Variants in NAV1 observed in about 807,000 individuals in gnomAD.
NAV1 encodes the protein pore membrane and/or filament interacting like protein 3.
NAV1 carries 18 observed loss-of-function variants against 175.2 expected under a neutral mutation model. The observed-to-expected ratio is 0.10, with a 90% CI of 0.07 to 0.15. The LOEUF (loss-of-function observed/expected upper bound fraction) is 0.15. Among genes scored for constraint, NAV1 ranks in the 10% least tolerant of loss-of-function variants. NAV1 has a pLI of 1.00. For synonymous variants in NAV1, 897 were observed against 978.7 expected (o/e 0.92, Z 1.56); for missense variants, 1,731 against 2,436.6 (o/e 0.71, Z 6.10).
intron 1 of NAV1, among the ~76,000 whole-genome samples, chr1:201,651,891 A>G (rs1669220118): frequency 6.6e-6 from 1 of 152,094 alleles, no homozygotes; most frequent in African/African-American, 2.4e-5. Flanking sequence ...GGCTGTAGCA[A>G]GGCAGAGCCT....
chr1:201,725,771 A>G (rs1672580898), intron 3 of NAV1, among the ~76,000 whole-genome samples: 1 of 152,138 alleles, frequency 6.6e-6, no homozygotes, highest in Non-Finnish European at 1.5e-5. Flanking sequence ...GGCCTGGGCA[A>G]CATAGCAAGA....
At chr1:201,608,350 G>T (rs548737865) in intron 2 of NAV1, among the ~76,000 whole-genome samples, 15 of 152,164 alleles carry the variant, frequency 9.9e-5, no homozygotes, top group Non-Finnish European at 2.1e-4. Flanking sequence ...CACGGCCTGC[G>T]AGTTTCTGAT....
At chr1:201,741,985 C>T (rs1673452086) in intron 3 of NAV1, among the ~76,000 whole-genome samples, 1 of 152,196 alleles carries the variant, frequency 6.6e-6, no homozygotes, top group Admixed American at 6.5e-5. Context: ...TACACCTACC[C>T]AGCCTACTAG....
At chr1:201,674,765 G>C (rs1670178344) in intron 1 of NAV1, among the ~76,000 whole-genome samples, 1 of 152,050 alleles carries the variant, frequency 6.6e-6, no homozygotes, top group Non-Finnish European at 1.5e-5. Flanking sequence ...GGCTGGGCAC[G>C]GTGGCTCACA....
intron 1 of NAV1, among the ~76,000 whole-genome samples, chr1:201,697,792 T>C (rs1180883651): frequency 6.6e-6 from 1 of 152,216 alleles, no homozygotes; most frequent in Non-Finnish European, 1.5e-5. Flanking sequence ...ACCACACCTC[T>C]TCTCCTACGG....
chr1:201,678,333 T>G (rs947144500), intron 1 of NAV1, among the ~76,000 whole-genome samples: 1 of 152,188 alleles, frequency 6.6e-6, no homozygotes, highest in Non-Finnish European at 1.5e-5. Flanking sequence ...AGCGCTCCAA[T>G]GGCTGGTGTG....
In NAV1 at chr1:201,658,582, A is replaced by C. The variant is rs113961996; in HGVS notation, c.757+9157A>C. ...GTGGTGAAAGAGGAGATGAGATCAG[A>C]AAAACAGGTTGGGGTGGGATCATGG... On this transcript the variant is annotated intron_variant, in intron 1 of 29. Coordinates refer to ENST00000367296, the Ensembl canonical transcript of NAV1. Among the ~76,000 whole-genome samples the C allele has an allele frequency of 2.0e-5, 3 of 152,264 alleles. 1 individual carries two copies. The highest frequency in any genetic ancestry group is 7.2e-5 in the African/African-American group (3 of 41,540).
intron 24 of NAV1, among the ~76,000 whole-genome samples, chr1:201,811,178 GA>G (rs1253873402): frequency 6.6e-6 from 1 of 151,956 alleles, no homozygotes; most frequent in Non-Finnish European, 1.5e-5. Flanking sequence ...ATTACTCTCT[GA>G]CCTTGGGCTA....
chr1:201,784,321 C>A (rs759511765), intron 7 of NAV1, among the ~76,000 whole-genome samples: 3 of 152,088 alleles, frequency 2.0e-5, no homozygotes, highest in Non-Finnish European at 4.4e-5. Flanking sequence ...CCATGCACGG[C>A]TAATTTTTGT....
chr1:201,556,536 C>T (rs1258181740), intron 1 of NAV1, among the ~76,000 whole-genome samples: 1 of 152,086 alleles, frequency 6.6e-6, no homozygotes. Flanking sequence ...GCAGGAAGGG[C>T]CTCTTGGGAG....
chr1:201,682,321 G>A (rs530170585), intron 1 of NAV1, among the ~76,000 whole-genome samples: 121 of 151,988 alleles, frequency 8.0e-4, no homozygotes, highest in African/African-American at 2.8e-3. Context: ...TTTTCCCCAT[G>A]GTCCCCCACC....
intron 1 of NAV1, among the ~76,000 whole-genome samples, chr1:201,588,194 G>A (rs1390199377): frequency 6.6e-6 from 1 of 152,212 alleles, no homozygotes; most frequent in African/African-American, 2.4e-5. Flanking sequence ...GAACAAAAAT[G>A]TGATATATCA....
At chr1:201,766,133 G>T (rs1675198094) in intron 3 of NAV1, among the ~76,000 whole-genome samples, 1 of 152,116 alleles carries the variant, frequency 6.6e-6, no homozygotes, top group Admixed American at 6.5e-5. Flanking sequence ...GTTCTTTAAA[G>T]TCCTTTCTTC....
chr1:201,700,343 C>T (rs1424380981), intron 1 of NAV1, among the ~76,000 whole-genome samples: 1 of 152,202 alleles, frequency 6.6e-6, no homozygotes, highest in African/African-American at 2.4e-5. Flanking sequence ...AAATGCTCAT[C>T]ATCACTGGGT....
At chr1:201,667,425 G>A (rs1353061205) in intron 1 of NAV1, among the ~76,000 whole-genome samples, 1 of 152,072 alleles carries the variant, frequency 6.6e-6, no homozygotes, top group Non-Finnish European at 1.5e-5. Context: ...GAGCCAGGTG[G>A]GATCATCATC....
At chr1:201,609,367 G>A (rs1034167394) in intron 2 of NAV1, among the ~76,000 whole-genome samples, 1 of 152,212 alleles carries the variant, frequency 6.6e-6, no homozygotes, top group Non-Finnish European at 1.5e-5. Context: ...GCTGTTCCAG[G>A]CAGGAAACCA....
chr1:201,635,321 A>G (rs902270753), intron 2 of NAV1, among the ~76,000 whole-genome samples: 4 of 152,138 alleles, frequency 2.6e-5, no homozygotes, highest in African/African-American at 9.7e-5. Flanking sequence ...CCAGGATTAC[A>G]GGCGTGAGCC....
intron 2 of NAV1, among the ~76,000 whole-genome samples, chr1:201,615,982 G>A (rs1033699036): frequency 1.3e-5 from 2 of 151,896 alleles, no homozygotes; most frequent in African/African-American, 4.8e-5. Flanking sequence ...GGGTACGTGG[G>A]ATGGAGGGAC....
upstream of NAV1, among the ~76,000 whole-genome samples, chr1:201,648,012 C>A (rs1165042525): frequency 6.6e-6 from 1 of 151,496 alleles, no homozygotes; most frequent in African/African-American, 2.4e-5. Context: ...TTCCCCCTAC[C>A]CCCCACTCAT....
Sources: gnomAD v4.1 joint callset for allele counts (sites outside exome capture counted in the v4.1 genomes callset) on GRCh38, gnomAD v4.1.1 for gene constraint, MANE v1.5 for transcripts, NCBI Gene and HGNC (gene_info 2026-07-23, HGNC 2026-07-21) for gene names.